Variants in ARL6 observed in about 807,000 individuals in gnomAD.
ARL6 encodes the protein ARF like GTPase 6, also known as ADP-ribosylation factor-like protein 6.
A neutral mutation model predicts 27.1 loss-of-function variants in ARL6; 18 were observed. The observed-to-expected ratio is 0.66, with a 90% CI of 0.46 to 0.98. The LOEUF is 0.98. ARL6 is among the 50% of genes least tolerant of loss of function. The pLI is 0.00. For synonymous variants in ARL6, 65 were observed against 72.3 expected (o/e 0.90, Z 0.51); for missense variants, 187 against 214.9 (o/e 0.87, Z 0.81).
At chr3:97,790,015 C>CAGATGCGTTCT (rs1189495091) in intron 6 of ARL6, among the ~76,000 whole-genome samples, 2 of 150,222 alleles carry the variant, frequency 1.3e-5, no homozygotes, top group Non-Finnish European at 3.0e-5. Flanking sequence ...TATTCTCCTT[C>CAGATGCGTTCT]AGATGCGTTC....
chr3:97,779,682 C>T (rs960970921), intron 2 of ARL6, among the ~76,000 whole-genome samples: 38 of 151,950 alleles, frequency 2.5e-4, no homozygotes, highest in African/African-American at 8.7e-4. Context: ...CTGGCTAACA[C>T]GGTGAAACCC....
intron 1 of ARL6, among the ~76,000 whole-genome samples, chr3:97,767,127 G>A (rs1257000023): frequency 6.6e-6 from 1 of 151,674 alleles, no homozygotes; most frequent in East Asian, 1.9e-4. Context: ...TTTTTTTTAA[G>A]TTTGCATTAG....
At chr3:97,791,987 C>A in intron 7 of ARL6, 161 bp downstream of exon 7, 1 of 626,850 alleles carries the variant, frequency 1.6e-6, no homozygotes, top group Admixed American at 2.9e-5. Context: ...ATACCTTGTT[C>A]CATTTACTTC....
chr3:97,781,253 A>G (rs1198624875), intron 4 of ARL6, among the ~76,000 whole-genome samples: 1 of 150,534 alleles, frequency 6.6e-6, no homozygotes. Context: ...CAGTTGATCC[A>G]TTGTTCTATG....
intron 4 of ARL6, among the ~76,000 whole-genome samples, chr3:97,783,504 G>C (rs1018376612): frequency 3.3e-5 from 5 of 151,688 alleles, no homozygotes; most frequent in Non-Finnish European, 7.4e-5. Flanking sequence ...TCAAAATCTT[G>C]TATAAATCTT....
intron 7 of ARL6, among the ~76,000 whole-genome samples, chr3:97,794,201 G>A (rs2037884474): frequency 6.6e-6 from 1 of 151,122 alleles, no homozygotes; most frequent in South Asian, 2.1e-4. Flanking sequence ...GTGTGTGTGT[G>A]TGTGTGTGTG....
intron 2 of ARL6, among the ~76,000 whole-genome samples, chr3:97,770,752 C>A (rs2036600666): frequency 6.6e-6 from 1 of 151,994 alleles, no homozygotes; most frequent in Non-Finnish European, 1.5e-5. Context: ...ATGTGTTTAT[C>A]CAGTGTTCCA....
chr3:97,770,792 A>G (rs530209175), intron 2 of ARL6, among the ~76,000 whole-genome samples: 3 of 151,966 alleles, frequency 2.0e-5, no homozygotes, highest in East Asian at 3.9e-4. Flanking sequence ...TTCCCAATGT[A>G]TGTTCTTGGA....
intron 2 of ARL6, among the ~76,000 whole-genome samples, chr3:97,778,917 A>T (rs1027626703): frequency 6.6e-6 from 1 of 152,326 alleles, no homozygotes; most frequent in East Asian, 1.9e-4. Context: ...GAATGATTAC[A>T]TAAAGAATGT....
At chr3:97,789,509 ATT>A (rs1377436532) in intron 6 of ARL6, among the ~76,000 whole-genome samples, 1 of 152,106 alleles carries the variant, frequency 6.6e-6, no homozygotes, top group Non-Finnish European at 1.5e-5. Context: ...TAACAGATTT[ATT>A]TATTCAATTG....
At chr3:97,793,895 A>G (rs1157893085) in intron 7 of ARL6, among the ~76,000 whole-genome samples, 3 of 152,068 alleles carry the variant, frequency 2.0e-5, no homozygotes, top group Non-Finnish European at 2.9e-5. Context: ...GAGTCCAGCA[A>G]ATTTATTCTA....
chr3:97,793,446 T>C (rs937840969), intron 7 of ARL6: 4 of 152,240 alleles, frequency 2.6e-5, no homozygotes, highest in African/African-American at 9.6e-5. Flanking sequence ...GTGCTTACCA[T>C]TGCTAACAAT....
chr3:97,791,827 G>A lies in ARL6; in HGVS notation c.535+1G>A, dbSNP rs142263253. The A allele has an allele frequency of 6.2e-7, 1 of 1,612,626 alleles. No homozygotes were observed. The highest frequency in any genetic ancestry group is 8.5e-7 in the Non-Finnish European group (1 of 1,179,094). On this transcript the variant is annotated splice_donor_variant, in intron 7 of 7. Coordinates refer to ENST00000463745, the MANE Select transcript of ARL6 (RefSeq NM_001278293.3). LOFTEE classifies it high-confidence loss of function. ...CAAGAAGGTGTAGACTGGCTTCAAG[G>A]TACATTACAAAATACTGTGTGTCTT...
chr3:97,765,333 CA>C (rs1461029755), intron 1 of ARL6, among the ~76,000 whole-genome samples: 1 of 151,832 alleles, frequency 6.6e-6, no homozygotes, highest in Non-Finnish European at 1.5e-5. Flanking sequence ...GGCAACATTT[CA>C]ATCAACAAAC....
At position 97,780,657 on chromosome 3, in the gene ARL6, C is replaced by A; in HGVS notation, c.228C>A (p.Tyr76Ter). ...TTGACATGTCAGGTCAAGGAAGATA[C>A]AGAAATCTCTGGGAACACTATTATA... ...TVFDMSGQGRYRNLWEHYYKE... is the reference protein window; with the variant it reads ...TVFDMSGQGR Residue 76 changes from tyrosine (Y) to a stop codon, truncating the protein, a stop_gained, in exon 4 of 8, where the codon TAC (tyrosine) becomes TAA (stop). Coordinates refer to ENST00000463745, the MANE Select transcript of ARL6 (RefSeq NM_001278293.3). LOFTEE classifies it high-confidence loss of function. 6.2e-7 allele frequency: 1 copy of A among 1,613,036 alleles called. No homozygotes were observed. The highest frequency in any genetic ancestry group is 1.7e-5 in the Admixed American group (1 of 59,994).
intron 2 of ARL6, among the ~76,000 whole-genome samples, chr3:97,774,302 T>C (rs1301676058): frequency 6.6e-6 from 1 of 152,114 alleles, no homozygotes; most frequent in Non-Finnish European, 1.5e-5. Flanking sequence ...GGATTTTAGT[T>C]ATAGTTTAGT....
Position 97,768,395 on chromosome 3 carries a change from C to T in ARL6, c.123+165C>T, listed in dbSNP as rs1567058. ...CAGCCATAATTTGCAGTATATTTTACACAGTAAATTTTAATTATTAAACTG... is the reference window on the plus strand; with the variant it reads ...CAGCCATAATTTGCAGTATATTTTATACAGTAAATTTTAATTATTAAACTG... On this transcript the variant is annotated intron_variant, in intron 2 of 7. Coordinates refer to ENST00000463745, the MANE Select transcript of ARL6 (RefSeq NM_001278293.3). Among the ~76,000 whole-genome samples, 118,921 of 152,014 alleles carry T rather than the reference C, an allele frequency of 0.78. 46,597 individuals carry two copies. The highest frequency in any genetic ancestry group is 0.85 in the East Asian group (4,411 of 5,186).
chr3:97,770,492 C>T (rs543175393), intron 2 of ARL6, among the ~76,000 whole-genome samples: 98 of 152,166 alleles, frequency 6.4e-4, no homozygotes, highest in African/African-American at 2.3e-3. Flanking sequence ...TGTAGATTAT[C>T]TCTTCACTTT....
chr3:97,796,643 A>G (rs369672629), intron 7 of ARL6, among the ~76,000 whole-genome samples: 3 of 152,184 alleles, frequency 2.0e-5, no homozygotes, highest in Non-Finnish European at 4.4e-5. Context: ...AAATATTCCC[A>G]TACCAGCAGG....
Sources: allele counts gnomAD v4.1 joint callset (sites outside exome capture counted in the v4.1 genomes callset), GRCh38; gene constraint gnomAD v4.1.1; transcripts MANE v1.5; gene names NCBI Gene and HGNC (gene_info 2026-07-23, HGNC 2026-07-21).